Variants in BMP6 observed in about 807,000 individuals in gnomAD.
The protein encoded by BMP6 is bone morphogenetic protein 6, also known as VG-1-R.
Under a neutral mutation model 54.1 loss-of-function variants are expected in BMP6, and 17 were observed. The observed-to-expected ratio is 0.31, with a 90% confidence interval of 0.22 to 0.47. BMP6 has a LOEUF of 0.47. Ranked by LOEUF, BMP6 falls within the 20% of genes least tolerant of loss-of-function variation. BMP6 has a pLI of 1.00. For synonymous variants in BMP6, 328 were observed against 291.2 expected, an observed-to-expected ratio of 1.13 and a Z score of -1.28; for missense variants, 720 against 690.4, an observed-to-expected ratio of 1.04 and a Z score of -0.48.
chr6:7,861,688 A>G (rs1342535251), intron 3 of BMP6, 89 bp downstream of exon 3: 1 of 1,538,478 alleles, frequency 6.5e-7, no homozygotes, highest in Admixed American at 1.7e-5. Flanking sequence ...ACCGTGGGCA[A>G]CAGGCAAGTC....
chr6:7,842,657 G>C (rs1758994867), intron 1 of BMP6, among the ~76,000 whole-genome samples: 1 of 152,212 alleles, frequency 6.6e-6, no homozygotes, highest in Admixed American at 6.5e-5. Context: ...AGCCAGCTCA[G>C]AGCCACCCGA....
chr6:7,856,813 G>C (rs913333453), intron 2 of BMP6, among the ~76,000 whole-genome samples: 7 of 151,394 alleles, frequency 4.6e-5, no homozygotes, highest in African/African-American at 1.7e-4. Context: ...AGCCGGGATG[G>C]TCTCGATCTC....
At position 7,727,555 on chromosome 6, in the gene BMP6, G is replaced by C; in HGVS notation, c.600G>C (p.Leu200=). ...CTGGCAGCGGCGGCGCGTCCCCACT[G>C]ACCAGCGCGCAGGACAGCGCCTTCC... ...PGSGSGGASP[L]TSAQDSAFLN... is the part of the protein sequence containing the mutation. Residue 200 remains leucine, a synonymous_variant, in exon 1 of 7, where the codon CTG becomes CTC. Coordinates refer to ENST00000283147, the MANE Select transcript of BMP6 (RefSeq NM_001718.6). 1.3e-6 allele frequency: 2 copies of C among 1,593,954 alleles called. No homozygotes were observed. The highest frequency in any genetic ancestry group is 1.7e-5 in the Admixed American group (1 of 59,366).
At chr6:7,748,195 C>T (rs533172022) in intron 1 of BMP6, among the ~76,000 whole-genome samples, 2 of 152,058 alleles carry the variant, frequency 1.3e-5, no homozygotes, top group Non-Finnish European at 2.9e-5. Context: ...CCTCTCTGTG[C>T]TCCAGTTTAG....
At chr6:7,748,940 C>T (rs1055880831) in intron 1 of BMP6, among the ~76,000 whole-genome samples, 3 of 152,152 alleles carry the variant, frequency 2.0e-5, no homozygotes, top group East Asian at 1.9e-4. Flanking sequence ...AGCAAAAAAT[C>T]GAGAAATCCT....
intron 2 of BMP6, among the ~76,000 whole-genome samples, chr6:7,849,740 A>G (rs1024114961): frequency 3.9e-5 from 6 of 152,222 alleles, no homozygotes; most frequent in African/African-American, 1.2e-4. Context: ...CACGTTCAAT[A>G]TCTGAACCGT....
rs139046708 is a variant in BMP6 at position 7,757,215 on chromosome 6, G to A, written c.664+29596G>A. Among the ~76,000 whole-genome samples, 1,304 of 152,260 alleles carry A rather than the reference G, an allele frequency of 8.6e-3. 11 individuals are homozygous for A. Among genetic ancestry groups the A allele is most frequent in the Middle Eastern group, 0.017 (5 of 294 alleles). ...CATAGTGTGTTAGTTTCCTAAATCC[G>A]CCACAAGTGGATGACTTTAAACAAC... On this transcript the variant is annotated intron_variant, in intron 1 of 6. Coordinates refer to ENST00000283147, the MANE Select transcript of BMP6 (RefSeq NM_001718.6).
chr6:7,813,104 AAAAAATATATATATATAT>A (rs1758459282), intron 1 of BMP6, among the ~76,000 whole-genome samples: 1 of 38,992 alleles, frequency 2.6e-5, no homozygotes, highest in Non-Finnish European at 4.3e-5. Context: ...AAAAAAAAAA[AAAAAATATATATATATAT>A]ATATATATAT....
At chr6:7,810,730 GT>G (rs1221310327) in intron 1 of BMP6, among the ~76,000 whole-genome samples, 1 of 152,194 alleles carries the variant, frequency 6.6e-6, no homozygotes, top group African/African-American at 2.4e-5. Flanking sequence ...CTAAAACTAT[GT>G]GTATGAAGCA....
Position 7,743,889 on chromosome 6 carries a change from C to G in BMP6, c.664+16270C>G, listed in dbSNP as rs577643186. 1.4e-4 allele frequency among the ~76,000 whole-genome samples: 22 copies of G among 152,346 alleles called. No individual in the cohort carries two copies. The South Asian group carries it at 3.5e-3, about 24-fold the overall frequency. On this transcript the variant is annotated intron_variant, in intron 1 of 6. Transcript: ENST00000283147. ...TAAGTGCTTTCTGTTTACAATTCCACAATGAATTCCTGTCTTCCTTCATGT... is the reference window on the plus strand; with the variant it reads ...TAAGTGCTTTCTGTTTACAATTCCAGAATGAATTCCTGTCTTCCTTCATGT...
intron 1 of BMP6, among the ~76,000 whole-genome samples, chr6:7,776,753 C>T (rs1010904523): frequency 6.6e-5 from 10 of 152,318 alleles, no homozygotes; most frequent in South Asian, 2.1e-4. Context: ...TGGCCTCAAA[C>T]AATTTTCCCA....
At chr6:7,752,939 A>G (rs1262643361) in intron 1 of BMP6, among the ~76,000 whole-genome samples, 1 of 152,170 alleles carries the variant, frequency 6.6e-6, no homozygotes, top group Non-Finnish European at 1.5e-5. Flanking sequence ...CCTAGCCTCC[A>G]GGGATCAAGA....
At chr6:7,761,640 G>A (rs1198413342) in intron 1 of BMP6, among the ~76,000 whole-genome samples, 1 of 152,162 alleles carries the variant, frequency 6.6e-6, no homozygotes, top group Non-Finnish European at 1.5e-5. Flanking sequence ...AGTATCTCAG[G>A]CACCTGCTGA....
At chr6:7,771,850 T>A (rs555387461) in intron 1 of BMP6, among the ~76,000 whole-genome samples, 1 of 152,096 alleles carries the variant, frequency 6.6e-6, no homozygotes, top group South Asian at 2.1e-4. Context: ...GTCAGGAGTT[T>A]GAGACCAGCC....
chr6:7,818,765 C>T (rs374779216), intron 1 of BMP6, among the ~76,000 whole-genome samples: 35 of 152,328 alleles, frequency 2.3e-4, no homozygotes, highest in African/African-American at 7.5e-4. Flanking sequence ...TACAATCTGA[C>T]GTCAACTGTC....
In BMP6 at chr6:7,778,895, C is replaced by G. The variant is rs531160693; in HGVS notation, c.664+51276C>G. Among the ~76,000 whole-genome samples, 5 of 152,320 alleles carry G rather than the reference C, an allele frequency of 3.3e-5. No homozygotes were observed. In the East Asian group the frequency reaches 9.6e-4, roughly 29 times the overall value. On this transcript the variant is annotated intron_variant, in intron 1 of 6. Coordinates refer to ENST00000283147, the MANE Select transcript of BMP6 (RefSeq NM_001718.6). ...TTTGATGTTTACTCATCTGGCCTCA[C>G]TGATTATTTTCTCCAGTATTCGTAT...
intron 1 of BMP6, among the ~76,000 whole-genome samples, chr6:7,730,842 G>A (rs186825141): frequency 3.5e-4 from 54 of 152,292 alleles, no homozygotes; most frequent in African/African-American, 1.1e-3. Context: ...ACAGCGCTGC[G>A]TTTTAAAGTA....
At chr6:7,751,662 C>T (rs549894892) in intron 1 of BMP6, among the ~76,000 whole-genome samples, 3 of 152,292 alleles carry the variant, frequency 2.0e-5, no homozygotes, top group South Asian at 4.1e-4. Context: ...ATGTTAAGAC[C>T]TATAATGGCC....
chr6:7,745,825 G>A (rs1288854548), intron 1 of BMP6, among the ~76,000 whole-genome samples: 3 of 151,938 alleles, frequency 2.0e-5, no homozygotes, highest in African/African-American at 4.8e-5. Context: ...AAAAGAGGCC[G>A]GGTGTGGTGG....
Sources: gnomAD v4.1 joint callset for allele counts (sites outside exome capture counted in the v4.1 genomes callset) on GRCh38, gnomAD v4.1.1 for gene constraint, MANE v1.5 for transcripts, NCBI Gene and HGNC (gene_info 2026-07-23, HGNC 2026-07-21) for gene names.